KCNQ5: variants seen among roughly 807,000 people sequenced by gnomAD.
The protein encoded by KCNQ5 is potassium voltage-gated channel subfamily KQT member 5.
KCNQ5 carries 30 observed loss-of-function variants against 98.2 expected under a neutral mutation model. That is an observed-to-expected ratio of 0.31 (90% CI 0.23 to 0.41). The LOEUF (loss-of-function observed/expected upper bound fraction) is 0.41. Ranked by LOEUF, KCNQ5 falls within the 10% of genes least tolerant of loss-of-function variation. The probability of loss-of-function intolerance (pLI) is 1.00; values close to 1 mark genes in which losing one functional copy is unlikely to be tolerated. For synonymous variants in KCNQ5, 458 were observed against 449.4 expected, an observed-to-expected ratio of 1.02 and a Z score of -0.24; for missense variants, 835 against 1,182.5, an observed-to-expected ratio of 0.71 and a Z score of 4.31.
intron 3 of KCNQ5, among the ~76,000 whole-genome samples, chr6:73,049,174 TA>T (rs1772102512): frequency 6.6e-6 from 1 of 152,220 alleles, no homozygotes; most frequent in Admixed American, 6.5e-5. Context: ...TTATTTTTAA[TA>T]AATATCACAG....
At chr6:72,741,648 T>C (rs1771135468) in intron 1 of KCNQ5, among the ~76,000 whole-genome samples, 1 of 152,148 alleles carries the variant, frequency 6.6e-6, no homozygotes, top group South Asian at 2.1e-4. Context: ...AGGAAAGACA[T>C]ACCTTAGATG....
chr6:72,768,234 A>C (rs1360491961), intron 1 of KCNQ5, among the ~76,000 whole-genome samples: 4 of 152,044 alleles, frequency 2.6e-5, no homozygotes, highest in African/African-American at 9.6e-5. Flanking sequence ...GAAACCTAAA[A>C]AGAGGCTGAA....
chr6:72,714,150 CAT>C (rs1163125664), intron 1 of KCNQ5, among the ~76,000 whole-genome samples: 10 of 152,326 alleles, frequency 6.6e-5, no homozygotes, highest in African/African-American at 2.2e-4. Flanking sequence ...AACATAGAGA[CAT>C]ATGTTCCTAG....
intron 1 of KCNQ5, among the ~76,000 whole-genome samples, chr6:72,649,989 A>G (rs1489081055): frequency 6.6e-6 from 1 of 152,090 alleles, no homozygotes; most frequent in Admixed American, 6.6e-5. Context: ...GTTTTTTCTG[A>G]CCATTACATA....
chr6:72,840,235 T>C (rs1776731205), intron 1 of KCNQ5, among the ~76,000 whole-genome samples: 1 of 152,214 alleles, frequency 6.6e-6, no homozygotes. Context: ...TGCAGGTCTC[T>C]CTTTGACATA....
chr6:72,721,600 A>T (rs1468477943), intron 1 of KCNQ5, among the ~76,000 whole-genome samples: 1 of 152,148 alleles, frequency 6.6e-6, no homozygotes, highest in African/African-American at 2.4e-5. Flanking sequence ...CAGACTCATA[A>T]ATACTGTATC....
At chr6:72,774,083 C>A (rs1017323216) in intron 1 of KCNQ5, among the ~76,000 whole-genome samples, 6 of 152,102 alleles carry the variant, frequency 3.9e-5, no homozygotes, top group Non-Finnish European at 8.8e-5. Flanking sequence ...TGAATCTTGA[C>A]TCTTTCATCA....
chr6:73,035,985 T>TG (rs1771398583), intron 2 of KCNQ5, among the ~76,000 whole-genome samples: 3 of 140,444 alleles, frequency 2.1e-5, no homozygotes, highest in African/African-American at 8.1e-5. Flanking sequence ...TTGAATACAT[T>TG]TGTGTGTGTG....
Position 73,194,516 on chromosome 6 carries a change from G to A in KCNQ5, c.1901G>A (p.Gly634Asp), listed in dbSNP as rs770873615. The change falls in exon 14 of 14, where the codon GGC (glycine) becomes GAC (aspartate). Residue 634 changes from glycine to aspartate, a missense_variant. This residue lies in a region of KCNQ5 where 416 missense variants were observed against 446.9 expected (regional missense o/e 0.93). Coordinates refer to ENST00000370398, the MANE Select transcript of KCNQ5 (RefSeq NM_019842.4). ...ATCTATCAACAGGTCCTTCGGAAAG[G>A]CTCTGCCTCAGCCCTCGCTTTGGCT... is the stretch of plus-strand genomic sequence containing the variant. ...LDIYQQVLRK[G>D]SASALALASF... 6.2e-7 allele frequency: 1 copy of A among 1,614,134 alleles called. No individual in the cohort carries two copies. Among genetic ancestry groups the A allele is most frequent in the South Asian group, 1.1e-5 (1 of 91,084 alleles).
intron 1 of KCNQ5, among the ~76,000 whole-genome samples, chr6:72,737,053 C>G (rs570710657): frequency 1.3e-5 from 2 of 152,044 alleles, no homozygotes; most frequent in Non-Finnish European, 2.9e-5. Flanking sequence ...CTCCTCCTCC[C>G]GGGTTCAAGT....
intron 1 of KCNQ5, among the ~76,000 whole-genome samples, chr6:72,895,501 A>G (rs1193099861): frequency 6.6e-6 from 1 of 151,802 alleles, no homozygotes; most frequent in East Asian, 1.9e-4. Flanking sequence ...GGGTGCAGTT[A>G]TATGGATTCT....
intron 1 of KCNQ5, among the ~76,000 whole-genome samples, chr6:72,926,779 A>C (rs1191896712): frequency 6.6e-6 from 1 of 152,196 alleles, no homozygotes; most frequent in African/African-American, 2.4e-5. Context: ...CCTAAGATTT[A>C]TAAATCATAA....
chr6:73,133,977 A>T, intron 10 of KCNQ5: 1 of 486,936 alleles, frequency 2.1e-6, no homozygotes, highest in Non-Finnish European at 4.2e-6. Flanking sequence ...GTGACGTCTG[A>T]CCAGCAAAGG....
Position 72,704,240 on chromosome 6 carries a change from T to A in KCNQ5, c.398+81653T>A, listed in dbSNP as rs149561621. ...AAATCTTTAGAGAAATATTCCTCCC[T>A]CTGTTTATGGAGTAACAGTAAAATC... On this transcript the variant is annotated intron_variant, in intron 1 of 13. Transcript: ENST00000370398. 3.4e-3 allele frequency among the ~76,000 whole-genome samples: 516 copies of A among 152,316 alleles called. 3 individuals carry two copies. The highest frequency in any genetic ancestry group is 0.012 in the African/African-American group (496 of 41,580).
intron 10 of KCNQ5, among the ~76,000 whole-genome samples, chr6:73,139,715 A>G (rs530672044): frequency 2.0e-5 from 3 of 152,314 alleles, no homozygotes; most frequent in Admixed American, 1.3e-4. Context: ...AAATAAATAA[A>G]TTAGTATTTC....
intron 1 of KCNQ5, among the ~76,000 whole-genome samples, chr6:72,772,770 T>A (rs1048433959): frequency 6.6e-6 from 1 of 152,176 alleles, no homozygotes; most frequent in Non-Finnish European, 1.5e-5. Flanking sequence ...GTCACTGAAC[T>A]GCAATGTTCA....
intron 1 of KCNQ5, among the ~76,000 whole-genome samples, chr6:72,946,155 T>C (rs1424295223): frequency 6.6e-6 from 1 of 152,182 alleles, no homozygotes; most frequent in African/African-American, 2.4e-5. Flanking sequence ...CGGCCTTTTA[T>C]AGAACCAATT....
intron 5 of KCNQ5, among the ~76,000 whole-genome samples, chr6:73,090,827 T>C (rs1774215329): frequency 6.6e-6 from 1 of 152,172 alleles, no homozygotes; most frequent in African/African-American, 2.4e-5. Flanking sequence ...AAACAACAGA[T>C]GCTGGAGAGG....
At chr6:72,891,286 T>C (rs1779047735) in intron 1 of KCNQ5, among the ~76,000 whole-genome samples, 1 of 152,172 alleles carries the variant, frequency 6.6e-6, no homozygotes, top group Non-Finnish European at 1.5e-5. Flanking sequence ...ATGAAAGTCT[T>C]CAGAAAATGT....
Sources: gnomAD v4.1 joint callset for allele counts (sites outside exome capture counted in the v4.1 genomes callset) on GRCh38, gnomAD v4.1.1 for gene constraint, gnomAD v4.1.1 regional missense constraint, MANE v1.5 for transcripts, NCBI Gene and HGNC (gene_info 2026-07-23, HGNC 2026-07-21) for gene names.